Variants in ACAD11 observed in about 807,000 individuals in gnomAD.
The protein encoded by ACAD11 is acyl-CoA dehydrogenase family member 11.
Under a neutral mutation model 102.2 loss-of-function variants are expected in ACAD11, and 83 were observed. The observed-to-expected ratio is 0.81, with a 90% CI of 0.68 to 0.97. The LOEUF is 0.97. Among genes scored for constraint, ACAD11 ranks in the 50% least tolerant of loss-of-function variants. The pLI is 0.00. For synonymous variants in ACAD11, 324 were observed against 319.8 expected, an observed-to-expected ratio of 1.01 and a Z score of -0.14; for missense variants, 901 against 951.7, an observed-to-expected ratio of 0.95 and a Z score of 0.70.
rs763428081 is a variant in ACAD11, at chr3:132,630,520, G to A, written c.880C>T (p.Arg294Cys). The A allele has an allele frequency of 1.5e-5, 24 of 1,611,990 alleles. No homozygotes were observed. In the East Asian group the frequency reaches 1.8e-4, roughly 12 times the overall value. ...AGAATAGAATTAATTCCCCTGCAGC[G>A]GCAATATATTGAAATCAGTTCTTCC... ...SMEELISIYC[R>C]CRGINSILPN... The change falls in exon 7 of 20, where the codon CGC (arginine) becomes TGC (cysteine). Residue 294 changes from arginine to cysteine, a missense_variant. Physicochemically the swap from Arg to Cys is radical, Grantham distance 180. Transcript: ENST00000264990.
intron 14 of ACAD11, 91 bp downstream of exon 14, chr3:132,579,401 G>C (rs544052072): frequency 5.0e-5 from 51 of 1,029,418 alleles, no homozygotes; most frequent in Middle Eastern, 5.9e-4. Context: ...TGATTTGTGA[G>C]TCCAAACAGT....
rs147918900 is a variant in ACAD11 at position 132,659,294 on chromosome 3, T to C, written c.149+309A>G. On this transcript the variant is annotated intron_variant, in intron 1 of 19. Transcript: ENST00000264990. ...CTGTATCACAAAAGAAGGCATCTATTTCTCAGAATTTGTAGCCTTAATTGC... is the reference window on the plus strand; with the variant it reads ...CTGTATCACAAAAGAAGGCATCTATCTCTCAGAATTTGTAGCCTTAATTGC... Among the ~76,000 whole-genome samples, 525 of 152,308 alleles carry C rather than the reference T, an allele frequency of 3.4e-3. 3 individuals are homozygous for C. The highest frequency in any genetic ancestry group is 0.012 in the African/African-American group (498 of 41,560).
chr3:132,588,895 G>A (rs536062554), intron 13 of ACAD11, among the ~76,000 whole-genome samples: 61 of 152,250 alleles, frequency 4.0e-4, no homozygotes, highest in African/African-American at 1.4e-3. Context: ...ATGCTAACAG[G>A]TAAAGAAACT....
chr3:132,593,159 A>C (rs1162710162), intron 13 of ACAD11, among the ~76,000 whole-genome samples: 1 of 152,112 alleles, frequency 6.6e-6, no homozygotes. Flanking sequence ...GACAAAGATC[A>C]ATTGGTTTGT....
intron 11 of ACAD11, among the ~76,000 whole-genome samples, chr3:132,607,913 A>G (rs1004144097): frequency 1.3e-5 from 2 of 152,234 alleles, no homozygotes; most frequent in Non-Finnish European, 2.9e-5. Context: ...TCAGACTAAC[A>G]GTAGATTTCT....
intron 5 of ACAD11, among the ~76,000 whole-genome samples, chr3:132,634,961 G>A (rs1940217834): frequency 6.6e-6 from 1 of 151,050 alleles, no homozygotes; most frequent in Admixed American, 6.6e-5. Flanking sequence ...GCTAAATGAC[G>A]AGTTAATGGG....
chr3:132,579,551 C>A lies in ACAD11; in HGVS notation c.1629G>T (p.Gly543=). 6.2e-7 allele frequency: 1 copy of A among 1,612,772 alleles called. No individual in the cohort carries two copies. Among genetic ancestry groups the A allele is most frequent in the Non-Finnish European group, 8.5e-7 (1 of 1,179,154 alleles). ...CAATTGCAATTTTGCACTTGGGATT[C>A]CCAGCTCCTAAAACCAAGGGGAACA... ...NGKKWWSSGA[G]NPKCKIAIVL... The change falls in exon 14 of 20, where the codon GGG becomes GGT. Residue 543 remains glycine, a synonymous_variant. Coordinates refer to ENST00000264990, the MANE Select transcript of ACAD11 (RefSeq NM_032169.5).
At chr3:132,574,289 C>A (rs999356727) in intron 17 of ACAD11, among the ~76,000 whole-genome samples, 1 of 152,156 alleles carries the variant, frequency 6.6e-6, no homozygotes, top group African/African-American at 2.4e-5. Flanking sequence ...CTTCATCCTT[C>A]TTCAACAGCA....
At chr3:132,578,763 G>C in intron 15 of ACAD11, 33 bp downstream of exon 15, 2 of 1,606,342 alleles carry the variant, frequency 1.2e-6, no homozygotes, top group Non-Finnish European at 1.7e-6. Flanking sequence ...CTTCCTGCTT[G>C]CTAATGCATG....
At chr3:132,580,111 C>G (rs962053738) in intron 13 of ACAD11, among the ~76,000 whole-genome samples, 19 of 151,964 alleles carry the variant, frequency 1.3e-4, no homozygotes, top group African/African-American at 3.9e-4. Context: ...GGAAAACTAC[C>G]ATTTGACTAG....
In ACAD11 at chr3:132,631,353, T is replaced by C; in HGVS notation, c.829A>G (p.Ser277Gly). The part of the protein sequence containing the change: ...TVPMINQGSY[S>G]ENSGIPSMEE... ...TATGTTTTTATACCTGAGTTTTCACTATAAGAACCTTGATTTATCATTGGA... is the reference window on the plus strand; with the variant it reads ...TATGTTTTTATACCTGAGTTTTCACCATAAGAACCTTGATTTATCATTGGA... Residue 277 changes from serine (S) to glycine (G), a missense_variant, in exon 6 of 20, where the codon AGT becomes GGT. Ser to Gly is a moderately conservative substitution (Grantham distance 56). Coordinates refer to ENST00000264990, the MANE Select transcript of ACAD11 (RefSeq NM_032169.5). 5 of 1,479,628 alleles carry C rather than the reference T, an allele frequency of 3.4e-6. No individual in the cohort carries two copies. The highest frequency in any genetic ancestry group is 5.0e-5 in the East Asian group (2 of 39,766). The allele number at this position is 1,479,628 out of a possible 1,614,324, so 91.7% of individuals were successfully genotyped here.
intron 17 of ACAD11, among the ~76,000 whole-genome samples, chr3:132,568,557 G>A (rs1426785873): frequency 6.6e-6 from 1 of 152,162 alleles, no homozygotes; most frequent in Non-Finnish European, 1.5e-5. Flanking sequence ...ACTTTTGAAA[G>A]AGAAGTCTAA....
intron 11 of ACAD11, among the ~76,000 whole-genome samples, chr3:132,617,799 TCTC>T (rs530089279): frequency 7.2e-4 from 110 of 152,280 alleles, no homozygotes; most frequent in African/African-American, 2.5e-3. Context: ...TCTGATCTCT[TCTC>T]CTACTATTAT....
intron 9 of ACAD11, among the ~76,000 whole-genome samples, chr3:132,624,830 G>T (rs551427979): frequency 2.0e-5 from 3 of 151,638 alleles, no homozygotes; most frequent in Non-Finnish European, 4.4e-5. Flanking sequence ...GGGACTATAG[G>T]TGTGCAGCAC....
chr3:132,620,940 C>G (rs1939585248), intron 9 of ACAD11, among the ~76,000 whole-genome samples: 1 of 152,032 alleles, frequency 6.6e-6, no homozygotes, highest in Non-Finnish European at 1.5e-5. Flanking sequence ...GATTAGATAA[C>G]AGCTGAAAAA....
intron 6 of ACAD11, among the ~76,000 whole-genome samples, chr3:132,631,123 T>C (rs777682766): frequency 2.0e-5 from 3 of 151,892 alleles, no homozygotes; most frequent in Non-Finnish European, 4.4e-5. Flanking sequence ...GTGCACGTTG[T>C]GCACATGTAC....
chr3:132,658,543 AATTG>A (rs1937940702), intron 1 of ACAD11, among the ~76,000 whole-genome samples: 1 of 152,220 alleles, frequency 6.6e-6, no homozygotes, highest in Admixed American at 6.5e-5. Context: ...ATTCCACAGC[AATTG>A]AAATAGTTGA....
At chr3:132,620,033 A>G (rs1939551345) in intron 9 of ACAD11, among the ~76,000 whole-genome samples, 1 of 152,198 alleles carries the variant, frequency 6.6e-6, no homozygotes, top group African/African-American at 2.4e-5. Flanking sequence ...AATGGGCCAC[A>G]TAGGCAGGAG....
At chr3:132,603,467 A>G in intron 12 of ACAD11, 140 bp from the exon 13 acceptor site, 6 of 668,196 alleles carry the variant, frequency 9.0e-6, no homozygotes, top group South Asian at 5.4e-5. Context: ...TGCTTTTCCC[A>G]TAACCTACAC....
Sources: allele counts gnomAD v4.1 joint callset (sites outside exome capture counted in the v4.1 genomes callset), GRCh38; gene constraint gnomAD v4.1.1; transcripts MANE v1.5; gene names NCBI Gene and HGNC (gene_info 2026-07-23, HGNC 2026-07-21).